The following KIF27 variants were observed in gnomAD, a reference collection of about 807,000 sequenced individuals.
KIF27 encodes kinesin-like protein KIF27.
Under a neutral mutation model 141.8 loss-of-function variants are expected in KIF27, and 84 were observed. The ratio of observed to expected loss-of-function variants is 0.59; its 90% CI spans 0.50 to 0.71. The LOEUF (loss-of-function observed/expected upper bound fraction) is 0.71, where lower values mean the gene tolerates loss of function less well. Ranked by LOEUF, KIF27 falls within the 30% of genes least tolerant of loss-of-function variation. The pLI is 0.00. For synonymous variants in KIF27, 471 were observed against 569.5 expected, an observed-to-expected ratio of 0.83 and a Z score of 2.46; for missense variants, 1,306 against 1,628.4, an observed-to-expected ratio of 0.80 and a Z score of 3.41.
At chr9:83,863,023 T>A (rs1280185530) in intron 13 of KIF27, among the ~76,000 whole-genome samples, 1 of 152,178 alleles carries the variant, frequency 6.6e-6, no homozygotes, top group Non-Finnish European at 1.5e-5. Flanking sequence ...GCACACTGAT[T>A]TTGTATCCTG....
At chr9:83,911,755 G>A (rs1955191235) in intron 2 of KIF27, among the ~76,000 whole-genome samples, 1 of 152,096 alleles carries the variant, frequency 6.6e-6, no homozygotes, top group South Asian at 2.1e-4. Context: ...TGTTGCCCAG[G>A]CTGATCTCAA....
intron 12 of KIF27, chr9:83,868,169 C>T: frequency 4.3e-6 from 1 of 231,546 alleles, no homozygotes; most frequent in South Asian, 7.4e-5. Context: ...GAATCTTTTA[C>T]TCTGTTGTAG....
chr9:83,919,288 A>T (rs1341210718), intron 1 of KIF27, among the ~76,000 whole-genome samples: 1 of 152,240 alleles, frequency 6.6e-6, no homozygotes, highest in Non-Finnish European at 1.5e-5. Context: ...CTCTTGACCC[A>T]GCAATTCCAC....
At position 83,888,000 on chromosome 9, in the gene KIF27, G is replaced by A. The variant is rs1046703311; in HGVS notation, c.2083+489C>T. Among the ~76,000 whole-genome samples, 15 of 118,774 alleles carry A rather than the reference G, an allele frequency of 1.3e-4. 1 individual carries two copies. Among genetic ancestry groups the A allele is most frequent in the African/African-American group, 5.0e-4 (15 of 30,012 alleles). The allele number at this position is 118,774 out of a possible 152,430, so 77.9% of individuals were successfully genotyped here. On this transcript the variant is annotated intron_variant, in intron 8 of 17. Transcript: ENST00000297814. ...TGAGTTAACAAAATCTCCTACTACC[G>A]GCTGGGCACAGTGGCTCATGCCTGT...
rs112185476 is a variant in KIF27, at chr9:83,920,196, A to C, written c.-88+1175T>G. Among the ~76,000 whole-genome samples the C allele has an allele frequency of 9.7e-3, 1,472 of 152,296 alleles. 22 individuals carry two copies. Among genetic ancestry groups the C allele is most frequent in the African/African-American group, 0.033 (1,372 of 41,572 alleles). ...CAGTGTGCCACTGCACTCCAGCCTG[A>C]GTAACAGAGCGAGACCCTGTCTCAA... On this transcript the variant is annotated intron_variant, in intron 1 of 17. Coordinates refer to ENST00000297814, the MANE Select transcript of KIF27 (RefSeq NM_017576.4).
chr9:83,840,078 TCAAA>T (rs1242594074), intron 17 of KIF27, among the ~76,000 whole-genome samples: 5 of 152,238 alleles, frequency 3.3e-5, no homozygotes, highest in Admixed American at 1.3e-4. Flanking sequence ...ATTTTATAAT[TCAAA>T]CAAACCTTGT....
At chr9:83,861,296 A>C (rs534831415) in intron 13 of KIF27, among the ~76,000 whole-genome samples, 28 of 152,120 alleles carry the variant, frequency 1.8e-4, no homozygotes, top group African/African-American at 6.3e-4. Flanking sequence ...CATCATTTAC[A>C]TTAGGTATAT....
At chr9:83,895,826 G>C (rs1213383984) in intron 5 of KIF27, among the ~76,000 whole-genome samples, 1 of 152,040 alleles carries the variant, frequency 6.6e-6, no homozygotes, top group African/African-American at 2.4e-5. Flanking sequence ...GGGAGGCCAA[G>C]GCAGGTAGAT....
chr9:83,841,109 T>C (rs2542770), intron 17 of KIF27, among the ~76,000 whole-genome samples: 1 of 152,164 alleles, frequency 6.6e-6, no homozygotes, highest in Non-Finnish European at 1.5e-5. Context: ...TCGCTCTTGT[T>C]GCCCAGGTCG....
intron 13 of KIF27, among the ~76,000 whole-genome samples, chr9:83,863,104 AATC>A (rs1950075939): frequency 6.6e-6 from 1 of 152,184 alleles, no homozygotes; most frequent in Non-Finnish European, 1.5e-5. Flanking sequence ...CTAGATATAC[AATC>A]ATGTCATTTG....
Position 83,835,447 on chromosome 9 carries a change from G to A in KIF27, c.*1554C>T, listed in dbSNP as rs1056384956. The A allele has an allele frequency of 6.6e-6, 1 of 151,940 alleles. No individual in the cohort carries two copies. Among genetic ancestry groups the A allele is most frequent in the Non-Finnish European group, 1.5e-5 (1 of 68,002 alleles). The allele number at this position is 151,940 out of a possible 1,614,324, so 9.4% of individuals were successfully genotyped here. ...ATATTTATAAATTGTTTCATTCCCA[G>A]GTAAGTCCACAGAAATCTATTTAAT... On this transcript the variant is annotated 3_prime_UTR_variant, in exon 18 of 18. Transcript: ENST00000297814.
At chr9:83,901,701 C>T (rs185766967) in intron 4 of KIF27, among the ~76,000 whole-genome samples, 8 of 152,114 alleles carry the variant, frequency 5.3e-5, no homozygotes, top group Non-Finnish European at 1.2e-4. Context: ...GGTGAAACCC[C>T]GTCTCTACTA....
chr9:83,900,595 A>G (rs1471368601), intron 4 of KIF27, among the ~76,000 whole-genome samples: 5 of 149,926 alleles, frequency 3.3e-5, no homozygotes, highest in African/African-American at 1.2e-4. Context: ...TCTACCCAGA[A>G]GAAAAGAAGT....
At chr9:83,914,941 TGCG>T (rs1437354623) in intron 2 of KIF27, among the ~76,000 whole-genome samples, 2 of 152,238 alleles carry the variant, frequency 1.3e-5, no homozygotes, top group Non-Finnish European at 2.9e-5. Flanking sequence ...AAGTCCTGAT[TGCG>T]GGACTCTTAA....
At chr9:83,878,712 T>G (rs879070654) in intron 11 of KIF27, among the ~76,000 whole-genome samples, 53 of 152,182 alleles carry the variant, frequency 3.5e-4, no homozygotes, top group Non-Finnish European at 5.3e-4. Context: ...CAAATTCATA[T>G]AGAAAGTAGA....
Position 83,891,382 on chromosome 9 carries a change from C to T in KIF27, c.1722G>A (p.Arg574=). 1.2e-6 allele frequency: 2 copies of T among 1,613,862 alleles called. No homozygotes were observed. The highest frequency in any genetic ancestry group is 4.5e-5 in the East Asian group (2 of 44,848). Reference sequence around the variant, plus strand: ...CAGTATATGGTCTCCTTTCAGGGATCCTGGCATCTGGCCCATCTCCACAAT... The same window carrying T: ...CAGTATATGGTCTCCTTTCAGGGATTCTGGCATCTGGCCCATCTCCACAAT... ...KENCGDGPDA[R]IPERRPYTVP... The change falls in exon 6 of 18, where the codon AGG becomes AGA. Residue 574 remains arginine, a synonymous_variant. Coordinates refer to ENST00000297814, the MANE Select transcript of KIF27 (RefSeq NM_017576.4).
intron 16 of KIF27, among the ~76,000 whole-genome samples, chr9:83,846,696 C>G (rs911854486): frequency 3.9e-5 from 6 of 152,212 alleles, no homozygotes; most frequent in African/African-American, 1.4e-4. Flanking sequence ...CACCCACCAT[C>G]ACCCCTAGTG....
At chr9:83,875,526 T>C (rs1161991979) in intron 11 of KIF27, among the ~76,000 whole-genome samples, 2 of 152,042 alleles carry the variant, frequency 1.3e-5, no homozygotes, top group Admixed American at 6.6e-5. Context: ...ATTGTAGCCA[T>C]GGAAAAGTAT....
chr9:83,899,597 C>T, intron 5 of KIF27, 64 bp downstream of exon 5: 1 of 1,150,720 alleles, frequency 8.7e-7, no homozygotes, highest in Non-Finnish European at 1.3e-6. Context: ...ATTTAAAATG[C>T]TACTGTGTTT....
Sources: gnomAD v4.1 joint callset for allele counts (sites outside exome capture counted in the v4.1 genomes callset) on GRCh38, gnomAD v4.1.1 for gene constraint, MANE v1.5 for transcripts, NCBI Gene and HGNC (gene_info 2026-07-23, HGNC 2026-07-21) for gene names.